Variants in FAM50B observed in about 807,000 individuals in gnomAD.
FAM50B encodes the protein protein FAM50B.
Under a neutral mutation model 25.4 loss-of-function variants are expected in FAM50B, and 9 were observed. That is an observed-to-expected ratio of 0.35 (90% CI 0.21 to 0.62). The LOEUF (loss-of-function observed/expected upper bound fraction) is 0.62. FAM50B is among the 20% of genes least tolerant of loss of function. The pLI, the probability that FAM50B is intolerant of heterozygous loss-of-function variation, is 0.73. For synonymous variants in FAM50B, 212 were observed against 204.3 expected (o/e 1.04, Z -0.32); for missense variants, 372 against 477.9 (o/e 0.78, Z 2.07).
In FAM50B at chr6:3,850,250, G is replaced by T; in HGVS notation, c.439G>T (p.Asp147Tyr). 6.2e-7 allele frequency: 1 copy of T among 1,613,214 alleles called. No individual in the cohort carries two copies. The highest frequency in any genetic ancestry group is 8.5e-7 in the Non-Finnish European group (1 of 1,179,866). ...CGCCGGAAACCTGGGCAAGAACCCC[G>T]ACGTGGACACCAGCTTCCTGCCAGA... ...RRAGNLGKNP[D>Y]VDTSFLPDRD... The change falls in exon 2 of 2, where the codon GAC becomes TAC. Residue 147 changes from aspartate to tyrosine, a missense_variant. Coordinates refer to ENST00000648326, the MANE Select transcript of FAM50B (RefSeq NM_012135.3).
At position 3,850,227 on chromosome 6, in the gene FAM50B, C is replaced by T; in HGVS notation, c.416C>T (p.Ala139Val). 3 of 1,613,282 alleles carry T rather than the reference C, an allele frequency of 1.9e-6. No homozygotes were observed. Among genetic ancestry groups the T allele is most frequent in the Non-Finnish European group, 2.5e-6 (3 of 1,179,848 alleles). The change falls in exon 2 of 2, where the codon GCC becomes GTC. Residue 139 changes from alanine to valine, a missense_variant. Ala to Val is a moderately conservative substitution (Grantham distance 64). Coordinates refer to ENST00000648326, the MANE Select transcript of FAM50B (RefSeq NM_012135.3). The part of the protein sequence containing the change: ...DQADAAEARR[A>V]GNLGKNPDVD... ...GCCGACGCGGCCGAGGCCAGGCGCG[C>T]CGGAAACCTGGGCAAGAACCCCGAC...
upstream of FAM50B, among the ~76,000 whole-genome samples, chr6:3,844,957 AAAAAC>A (rs1278149383): frequency 2.6e-5 from 4 of 152,324 alleles, no homozygotes; most frequent in Admixed American, 6.5e-5. Context: ...AACCTATTGG[AAAAAC>A]AAACCATAAT....
upstream of FAM50B, among the ~76,000 whole-genome samples, chr6:3,844,434 G>A (rs915066084): frequency 6.6e-6 from 1 of 152,128 alleles, no homozygotes; most frequent in Non-Finnish European, 1.5e-5. Context: ...AATAATACCG[G>A]GCGAGGTGGC....
At chr6:3,840,118 G>A in the FAM50B span, among the ~76,000 whole-genome samples, 66 of 152,178 alleles carry the variant, frequency 4.3e-4, no homozygotes, top group African/African-American at 1.1e-3. Context: ...TCAGCCTCCT[G>A]AGTAGTTGGG....
chr6:3,844,756 A>T (rs188892411), upstream of FAM50B, among the ~76,000 whole-genome samples: 9 of 152,308 alleles, frequency 5.9e-5, no homozygotes, highest in African/African-American at 1.9e-4. Flanking sequence ...AAAAAAAGTC[A>T]TCAAATGGGA....
the FAM50B span, among the ~76,000 whole-genome samples, chr6:3,834,721 A>G: frequency 6.6e-6 from 1 of 152,128 alleles, no homozygotes; most frequent in African/African-American, 2.4e-5. Context: ...TAACAATAAA[A>G]AACTGGTAAA....
chr6:3,849,836 C>T lies in FAM50B; in HGVS notation c.25C>T (p.Arg9Cys), dbSNP rs376481788. The change falls in exon 2 of 2, where the codon CGC becomes TGC. Residue 9 changes from arginine (R) to cysteine (C), a missense_variant. Coordinates refer to ENST00000648326, the MANE Select transcript of FAM50B (RefSeq NM_012135.3). ...CATGGCGCAGTACAAGGGCACCATG[C>T]GCGAGGCAGGCCGTGCCATGCACCT... Reference protein sequence around the residue: MAQYKGTMREAGRAMHLLK... With the variant: MAQYKGTMCEAGRAMHLLK... 20 of 1,611,418 alleles carry T rather than the reference C, an allele frequency of 1.2e-5. No individual in the cohort carries two copies. The highest frequency in any genetic ancestry group is 1.6e-5 in the Non-Finnish European group (19 of 1,179,014).
chr6:3,840,273 C>T, the FAM50B span, among the ~76,000 whole-genome samples: 5 of 151,918 alleles, frequency 3.3e-5, no homozygotes, highest in Admixed American at 1.3e-4. Flanking sequence ...GATTACTGGC[C>T]TGAGCCACCA....
Position 3,850,949 on chromosome 6 carries a change from G to A in FAM50B, c.*160G>A. 2 of 1,223,728 alleles carry A rather than the reference G, an allele frequency of 1.6e-6. No individual in the cohort carries two copies. The highest frequency in any genetic ancestry group is 2.9e-5 in the Admixed American group (1 of 34,892). The allele number at this position is 1,223,728 out of a possible 1,614,324, so 75.8% of individuals were successfully genotyped here. On this transcript the variant is annotated 3_prime_UTR_variant, in exon 2 of 2. Transcript: ENST00000648326. ...TTGGTTGTGCTATTGCTGATGTTATGCTTTGGTTGCTTGGTTGGTCTTTTC... is the reference window on the plus strand; with the variant it reads ...TTGGTTGTGCTATTGCTGATGTTATACTTTGGTTGCTTGGTTGGTCTTTTC...
upstream of FAM50B, among the ~76,000 whole-genome samples, chr6:3,846,206 T>C (rs377629579): frequency 6.6e-5 from 10 of 152,240 alleles, no homozygotes; most frequent in South Asian, 6.2e-4. Flanking sequence ...CTGAGGATAT[T>C]GTATAGAAGT....
In FAM50B at chr6:3,850,284, G is replaced by A. The variant is rs1299511931; in HGVS notation, c.473G>A (p.Arg158His). 7.4e-6 allele frequency: 12 copies of A among 1,613,140 alleles called. No homozygotes were observed. The highest frequency in any genetic ancestry group is 3.3e-4 in the Middle Eastern group (2 of 6,060). The change falls in exon 2 of 2, where the codon CGC becomes CAC. Residue 158 changes from arginine to histidine, a missense_variant. Coordinates refer to ENST00000648326, the MANE Select transcript of FAM50B (RefSeq NM_012135.3). ...ACCAGCTTCCTGCCAGACCGCGACC[G>A]CGAGGAGGAGGAGAACCGGCTCCGA... Reference protein sequence around the residue: ...VDTSFLPDRDREEEENRLREE... With the variant: ...VDTSFLPDRDHEEEENRLREE...
the FAM50B span, among the ~76,000 whole-genome samples, chr6:3,842,525 A>T: frequency 6.6e-6 from 1 of 152,118 alleles, no homozygotes; most frequent in African/African-American, 2.4e-5. Context: ...ATGAGCTCCT[A>T]GCCACTCCCC....
chr6:3,848,646 TCTC>T (rs1762152547), upstream of FAM50B, among the ~76,000 whole-genome samples: 1 of 152,042 alleles, frequency 6.6e-6, no homozygotes, highest in Non-Finnish European at 1.5e-5. Context: ...TGTTACCAGA[TCTC>T]CTGCAGGGGA....
chr6:3,834,790 G>A, the FAM50B span, among the ~76,000 whole-genome samples: 4 of 152,098 alleles, frequency 2.6e-5, no homozygotes, highest in African/African-American at 9.7e-5. Context: ...AAAAGATCAG[G>A]TAGGCCTTTT....
chr6:3,832,061 T>C, the FAM50B span: 1 of 152,230 alleles, frequency 6.6e-6, no homozygotes, highest in Non-Finnish European at 1.5e-5. Flanking sequence ...TTGCGGGAAG[T>C]ACAGCTGTTT....
upstream of FAM50B, among the ~76,000 whole-genome samples, chr6:3,847,166 CACT>C (rs1762133241): frequency 6.6e-6 from 1 of 152,242 alleles, no homozygotes; most frequent in Admixed American, 6.5e-5. Context: ...TCTCCAGCTA[CACT>C]AGCCCCTAGC....
Position 3,850,664 on chromosome 6 carries a change from G to C in FAM50B, c.853G>C (p.Asp285His). The change falls in exon 2 of 2, where the codon GAC becomes CAC. Residue 285 changes from aspartate (D) to histidine (H), a missense_variant. By Grantham distance (81) the Asp-to-His change is moderately conservative. Around this residue, in one of 4 missense-constraint regions of FAM50B, gnomAD observed 57 missense variants for 65.8 expected, o/e 0.87. Transcript: ENST00000648326. ...RLLSDATMEK[D>H]ESHAGKVVLR... ...GCTCAGCGACGCCACCATGGAGAAG[G>C]ACGAGTCGCACGCGGGCAAGGTGGT... 1 of 1,614,152 alleles carries C rather than the reference G, an allele frequency of 6.2e-7. No homozygotes were observed. The highest frequency in any genetic ancestry group is 8.5e-7 in the Non-Finnish European group (1 of 1,180,040).
In FAM50B at chr6:3,850,930, G is replaced by GTGCTATTGCTGATGTTA; in HGVS notation, c.*146_*162dup. ...AGGGTTCTCATGATTCACATTGGTT[G>GTGCTATTGCTGATGTTA]TGCTATTGCTGATGTTATGCTTTGG... On this transcript the variant is annotated 3_prime_UTR_variant, in exon 2 of 2. Coordinates refer to ENST00000648326, the MANE Select transcript of FAM50B (RefSeq NM_012135.3). The GTGCTATTGCTGATGTTA allele has an allele frequency of 7.5e-7, 1 of 1,338,054 alleles. No individual in the cohort carries two copies. The highest frequency in any genetic ancestry group is 1.0e-6 in the Non-Finnish European group (1 of 993,190). The allele number at this position is 1,338,054 out of a possible 1,614,324, so 82.9% of individuals were successfully genotyped here. A position where few individuals can be genotyped will look rare whatever the true frequency, so the allele number is the denominator to read the frequency against.
At position 3,849,481 on chromosome 6, in the gene FAM50B, G is replaced by A. The variant is rs1762169861; in HGVS notation, c.-29G>A. The A allele has an allele frequency of 3.8e-6, 1 of 262,614 alleles. No individual in the cohort carries two copies. Among genetic ancestry groups the A allele is most frequent in the Non-Finnish European group, 7.2e-6 (1 of 138,100 alleles). 16.3% of individuals were successfully genotyped at this position (262,614 alleles called of 1,614,324 possible). A position where few individuals can be genotyped will look rare whatever the true frequency, so the allele number is the denominator to read the frequency against. Reference sequence around the variant, plus strand: ...CGTGTCTCCGCTCGACAGGGTGCTTGGGCAGGTAAGGGTCCGCTCAGTAGC... The same window carrying A: ...CGTGTCTCCGCTCGACAGGGTGCTTAGGCAGGTAAGGGTCCGCTCAGTAGC... On this transcript the variant is annotated 5_prime_UTR_variant, in exon 1 of 2. Coordinates refer to ENST00000648326, the MANE Select transcript of FAM50B (RefSeq NM_012135.3).
Sources: allele counts gnomAD v4.1 joint callset (sites outside exome capture counted in the v4.1 genomes callset), GRCh38; gene constraint gnomAD v4.1.1; regional missense constraint gnomAD v4.1.1; transcripts MANE v1.5; gene names NCBI Gene and HGNC (gene_info 2026-07-23, HGNC 2026-07-21).